EFCAB13: variants seen among roughly 807,000 people sequenced by gnomAD.
The protein encoded by EFCAB13 is EF-hand calcium-binding domain-containing protein 13.
In EFCAB13, 91 loss-of-function variants were observed where a neutral mutation model predicts 110.2. That is an observed-to-expected ratio of 0.83 (90% CI 0.70 to 0.98). EFCAB13 has a LOEUF of 0.98. Ranked by LOEUF, EFCAB13 falls within the 50% of genes least tolerant of loss-of-function variation. The pLI is 0.00. For missense variants in EFCAB13, 968 were observed against 1,119.4 expected (o/e 0.86, Z 1.93); for synonymous variants, 323 against 369.9 (o/e 0.87, Z 1.45).
intron 21 of EFCAB13, among the ~76,000 whole-genome samples, chr17:47,410,248 GAGAGAGCAAGAGAGCA>G (rs1467253854): frequency 5.3e-5 from 8 of 152,302 alleles, no homozygotes; most frequent in African/African-American, 1.9e-4. Context: ...AAGAAAGTTT[GAGAGAGCAAGAGAGCA>G]AGAGGAGACT....
rs1296467077 is a variant in EFCAB13 at position 47,361,515 on chromosome 17, A to G, written c.799A>G (p.Ile267Val). Residue 267 changes from isoleucine (I) to valine (V), a missense_variant, in exon 10 of 25, where the codon ATT becomes GTT. By Grantham distance (29) the Ile-to-Val change is conservative (BLOSUM62 3). Transcript: ENST00000331493. ...AGAAGAAGTGACAAAACATACCTAT[A>G]TTGACAGTGAGTTATTTGCATTGAG... The part of the protein sequence containing the change: ...ILEEVTKHTY[I>V]DSNHMVDIGD... 3 of 1,559,574 alleles carry G rather than the reference A, an allele frequency of 1.9e-6. No individual in the cohort carries two copies. The highest frequency in any genetic ancestry group is 1.7e-4 in the Middle Eastern group (1 of 5,942).
At chr17:47,376,411 T>C (rs985043619) in intron 12 of EFCAB13, among the ~76,000 whole-genome samples, 2 of 152,314 alleles carry the variant, frequency 1.3e-5, no homozygotes, top group African/African-American at 2.4e-5. Flanking sequence ...ATATCTACCT[T>C]TCTCGTGTCA....
intron 9 of EFCAB13, among the ~76,000 whole-genome samples, chr17:47,359,839 T>C (rs2065501947): frequency 7.4e-6 from 1 of 134,970 alleles, no homozygotes; most frequent in African/African-American, 2.8e-5. Context: ...TGTGTTCTCA[T>C]TGTTCAATTC....
intron 24 of EFCAB13, 102 bp downstream of exon 24, chr17:47,430,063 G>A: frequency 7.1e-7 from 1 of 1,402,962 alleles, no homozygotes; most frequent in Non-Finnish European, 9.3e-7. Context: ...TCCTGTGGAA[G>A]CTGAGGTGGG....
At chr17:47,385,230 A>G (rs1402779509) in intron 14 of EFCAB13, among the ~76,000 whole-genome samples, 1 of 152,076 alleles carries the variant, frequency 6.6e-6, no homozygotes, top group Non-Finnish European at 1.5e-5. Flanking sequence ...AATATCCTGA[A>G]GTGTGTTTTC....
chr17:47,397,740 C>T (rs1598749568), intron 17 of EFCAB13, among the ~76,000 whole-genome samples: 2 of 151,440 alleles, frequency 1.3e-5, no homozygotes, highest in East Asian at 3.9e-4. Flanking sequence ...TCTGCCCGGC[C>T]GCCCCGTCTG....
rs1471131731 is a variant in EFCAB13 at position 47,374,454 on chromosome 17, T to C, written c.878-18T>C. On this transcript the variant is annotated intron_variant, in intron 11 of 24. Coordinates refer to ENST00000331493, the MANE Select transcript of EFCAB13 (RefSeq NM_152347.5). ...ATTATACAGGTAAATGAAATAATTG[T>C]ATATTTCTCTTATTTAGCAATTACA... 6.2e-5 allele frequency: 90 copies of C among 1,450,022 alleles called. No individual in the cohort carries two copies. Among genetic ancestry groups the C allele is most frequent in the Non-Finnish European group, 8.2e-5 (89 of 1,089,654 alleles). The allele number at this position is 1,450,022 out of a possible 1,614,324, so 89.8% of individuals were successfully genotyped here. A position where few individuals can be genotyped will look rare whatever the true frequency, so the allele number is the denominator to read the frequency against.
At chr17:47,425,989 A>G (rs1312274740) in intron 23 of EFCAB13, among the ~76,000 whole-genome samples, 1 of 152,232 alleles carries the variant, frequency 6.6e-6, no homozygotes, top group South Asian at 2.1e-4. Flanking sequence ...AACAAACTGC[A>G]TGACCTTTAT....
chr17:47,372,870 C>T (rs2065592599), intron 11 of EFCAB13, among the ~76,000 whole-genome samples: 1 of 152,018 alleles, frequency 6.6e-6, no homozygotes, highest in African/African-American at 2.4e-5. Flanking sequence ...TGATATTTAA[C>T]AGTTTGATTA....
At position 47,355,226 on chromosome 17, in the gene EFCAB13, G is replaced by C. The variant is rs573456781; in HGVS notation, c.662-6152G>C. ...AGGACCCAATCCTTTCTAGCTTGTA[G>C]GGTTTCTGCTGAGAAATCTGCTGTT... On this transcript the variant is annotated intron_variant, in intron 9 of 24. Coordinates refer to ENST00000331493, the MANE Select transcript of EFCAB13 (RefSeq NM_152347.5). Among the ~76,000 whole-genome samples, 6 of 152,292 alleles carry C rather than the reference G, an allele frequency of 3.9e-5. No homozygotes were observed. The South Asian group carries it at 1.2e-3, about 32-fold the overall frequency.
chr17:47,393,777 A>T (rs1229145779), intron 15 of EFCAB13, among the ~76,000 whole-genome samples: 1 of 151,048 alleles, frequency 6.6e-6, no homozygotes, highest in Non-Finnish European at 1.5e-5. Context: ...AATAAAAGTT[A>T]AAAATATTAT....
intron 17 of EFCAB13, among the ~76,000 whole-genome samples, chr17:47,396,674 G>C (rs2065740076): frequency 6.6e-6 from 1 of 152,186 alleles, no homozygotes; most frequent in Non-Finnish European, 1.5e-5. Context: ...CGAGCATGCT[G>C]TCAGGGGTCT....
intron 5 of EFCAB13, among the ~76,000 whole-genome samples, chr17:47,339,600 A>T (rs974594115): frequency 6.7e-6 from 1 of 149,876 alleles, no homozygotes; most frequent in African/African-American, 2.5e-5. Flanking sequence ...CATGGGCCAG[A>T]GTTTGGGGAC....
chr17:47,415,226 G>A (rs758263723), intron 23 of EFCAB13, among the ~76,000 whole-genome samples: 1 of 152,042 alleles, frequency 6.6e-6, no homozygotes, highest in Non-Finnish European at 1.5e-5. Context: ...ATCACACTCT[G>A]GGGACTGTTA....
intron 10 of EFCAB13, among the ~76,000 whole-genome samples, chr17:47,368,375 G>A (rs575095600): frequency 5.3e-5 from 8 of 152,246 alleles, no homozygotes; most frequent in African/African-American, 7.2e-5. Context: ...GCAGACCCAC[G>A]GTTCATTGGA....
intron 14 of EFCAB13, among the ~76,000 whole-genome samples, chr17:47,380,880 CTT>C (rs751480738): frequency 8.9e-5 from 11 of 122,924 alleles, no homozygotes; most frequent in Admixed American, 8.6e-5. Context: ...ATTGCTTCTT[CTT>C]TTTTTTTTTT....
intron 14 of EFCAB13, among the ~76,000 whole-genome samples, chr17:47,384,629 G>A (rs116679181): frequency 0.011 from 1,730 of 152,216 alleles, 38 homozygotes; most frequent in African/African-American, 0.039. Context: ...TGAAATTCCA[G>A]TTAGAAAATT....
chr17:47,348,296 C>A (rs1200737642), intron 9 of EFCAB13, among the ~76,000 whole-genome samples: 1 of 151,474 alleles, frequency 6.6e-6, no homozygotes, highest in Admixed American at 6.6e-5. Flanking sequence ...AAAGTAGGAC[C>A]TTGTCAATAA....
At chr17:47,434,574 C>T (rs1182904190) in intron 24 of EFCAB13, among the ~76,000 whole-genome samples, 2 of 152,090 alleles carry the variant, frequency 1.3e-5, no homozygotes, top group African/African-American at 2.4e-5. Flanking sequence ...TAAAAAAGAG[C>T]CTGCATAGCC....
Sources: allele counts gnomAD v4.1 joint callset (sites outside exome capture counted in the v4.1 genomes callset), GRCh38; gene constraint gnomAD v4.1.1; transcripts MANE v1.5; gene names NCBI Gene and HGNC (gene_info 2026-07-23, HGNC 2026-07-21).